Variants in DLG2 observed in about 807,000 individuals in gnomAD.
DLG2 encodes discs large MAGUK scaffold protein 2.
A neutral mutation model predicts 132.5 loss-of-function variants in DLG2; 45 were observed. That is an observed-to-expected ratio of 0.34 (90% CI 0.27 to 0.44). The LOEUF is 0.44. Ranked by LOEUF, DLG2 falls within the 20% of genes least tolerant of loss-of-function variation. DLG2 has a pLI of 1.00. For missense variants in DLG2, 1,045 were observed against 1,196.9 expected (o/e 0.87, Z 1.87); for synonymous variants, 424 against 419.6 (o/e 1.01, Z -0.13).
At chr11:84,906,482 C>A (rs1034403434) in intron 6 of DLG2, among the ~76,000 whole-genome samples, 1 of 150,790 alleles carries the variant, frequency 6.6e-6, no homozygotes, top group East Asian at 2.0e-4. Flanking sequence ...GATATATTAT[C>A]AAATAAAAAC....
chr11:83,616,301 C>G (rs1313532776), intron 19 of DLG2, among the ~76,000 whole-genome samples: 1 of 152,108 alleles, frequency 6.6e-6, no homozygotes, highest in Non-Finnish European at 1.5e-5. Context: ...CTGATAGATA[C>G]TGACAAAAAA....
At chr11:85,434,392 T>A (rs779473359) in intron 3 of DLG2, among the ~76,000 whole-genome samples, 4 of 151,062 alleles carry the variant, frequency 2.6e-5, no homozygotes, top group East Asian at 1.9e-4. Flanking sequence ...GGGCTGTTTT[T>A]TTTGAAAAAA....
intron 21 of DLG2, among the ~76,000 whole-genome samples, chr11:83,529,287 G>T (rs912449282): frequency 6.6e-6 from 1 of 152,038 alleles, no homozygotes; most frequent in Non-Finnish European, 1.5e-5. Flanking sequence ...AAAGTGAGTG[G>T]CATCTCCTGA....
rs1168313928 is a variant in DLG2 at position 85,041,173 on chromosome 11, A to C, written c.357+70488T>G. ...CAAAACGAAATATATCTTTACGAAG[A>C]ACTTGGAGGGTTTAAATAGCCTTCA... On this transcript the variant is annotated intron_variant, in intron 6 of 27. Transcript: ENST00000376104. 2.0e-5 allele frequency among the ~76,000 whole-genome samples: 3 copies of C among 152,040 alleles called. No individual in the cohort carries two copies. The East Asian group carries it at 5.8e-4, about 29-fold the overall frequency.
At chr11:84,154,200 G>A (rs2095372806) in intron 9 of DLG2, among the ~76,000 whole-genome samples, 1 of 152,150 alleles carries the variant, frequency 6.6e-6, no homozygotes. Flanking sequence ...GTTTCACCAT[G>A]TTGGCCAGGC....
At chr11:85,382,146 C>T (rs1237750946) in intron 3 of DLG2, among the ~76,000 whole-genome samples, 2 of 152,098 alleles carry the variant, frequency 1.3e-5, no homozygotes, top group Non-Finnish European at 2.9e-5. Context: ...GTAATCAAGA[C>T]AGCATGGTAC....
intron 19 of DLG2, among the ~76,000 whole-genome samples, chr11:83,585,748 TA>T: frequency 6.6e-6 from 1 of 152,360 alleles, no homozygotes; most frequent in East Asian, 1.9e-4. Context: ...CATTTATTAC[TA>T]GACATGTTTA....
intron 6 of DLG2, among the ~76,000 whole-genome samples, chr11:84,752,933 G>A (rs909202015): frequency 4.0e-5 from 6 of 151,856 alleles, no homozygotes; most frequent in African/African-American, 1.5e-4. Flanking sequence ...ATTCCATGGT[G>A]TATATGTGCC....
At position 84,992,881 on chromosome 11, in the gene DLG2, T is replaced by C. The variant is rs183863391; in HGVS notation, c.357+118780A>G. ...AGACAGTGTTGCAAATCCTCAAGGA[T>C]CTAGAACCAGAAATACCATTTGACT... On this transcript the variant is annotated intron_variant, in intron 6 of 27. Transcript: ENST00000376104. Among the ~76,000 whole-genome samples, 49 of 152,264 alleles carry C rather than the reference T, an allele frequency of 3.2e-4. No individual in the cohort carries two copies. The East Asian group carries it at 9.1e-3, about 28-fold the overall frequency.
rs535228989 is a variant in DLG2 at position 83,912,488 on chromosome 11, A to G, written c.1496+17840T>C. Among the ~76,000 whole-genome samples the G allele has an allele frequency of 2.0e-5, 3 of 152,280 alleles. No individual in the cohort carries two copies. The South Asian group carries it at 6.2e-4, about 32-fold the overall frequency. ...GAAAAGAGTGCTAGCTGATTTCAAG[A>G]GGGTGACTGGGGGACTGCATCAAGA... is the stretch of plus-strand genomic sequence containing the variant. On this transcript the variant is annotated intron_variant, in intron 15 of 27. Transcript: ENST00000376104.
intron 7 of DLG2, among the ~76,000 whole-genome samples, chr11:84,327,288 G>C (rs1403379063): frequency 4.6e-5 from 7 of 151,640 alleles, no homozygotes; most frequent in Admixed American, 2.6e-4. Flanking sequence ...TCACCATGTT[G>C]GCCAGGCAGG....
intron 6 of DLG2, among the ~76,000 whole-genome samples, chr11:84,651,589 G>T (rs1206142249): frequency 6.6e-6 from 1 of 152,176 alleles, no homozygotes; most frequent in Admixed American, 6.5e-5. Flanking sequence ...GATGGTCACA[G>T]GTTGTTGGAA....
intron 18 of DLG2, chr11:83,643,534 T>A (rs748351713): frequency 6.6e-6 from 1 of 152,174 alleles, no homozygotes; most frequent in Non-Finnish European, 1.5e-5. Context: ...AAGAAAACCT[T>A]CCTTGGCAAA....
intron 9 of DLG2, among the ~76,000 whole-genome samples, chr11:84,121,606 G>C (rs2093920787): frequency 7.2e-6 from 1 of 138,134 alleles, no homozygotes; most frequent in Non-Finnish European, 1.5e-5. Context: ...CTGTGGCCCA[G>C]GCTGGAGTGC....
intron 6 of DLG2, among the ~76,000 whole-genome samples, chr11:84,939,693 G>A (rs2049155765): frequency 6.6e-6 from 1 of 152,052 alleles, no homozygotes; most frequent in South Asian, 2.1e-4. Context: ...TCTGTGCTTG[G>A]CTTATTCCAC....
At chr11:83,606,467 C>T (rs1448480486) in intron 19 of DLG2, among the ~76,000 whole-genome samples, 2 of 152,054 alleles carry the variant, frequency 1.3e-5, no homozygotes, top group Non-Finnish European at 2.9e-5. Flanking sequence ...GTACTGAAAG[C>T]CTTTAACATC....
At chr11:85,606,494 C>T (rs755208969) in intron 2 of DLG2, among the ~76,000 whole-genome samples, 18 of 152,088 alleles carry the variant, frequency 1.2e-4, no homozygotes, top group South Asian at 2.1e-4. Context: ...CTCTGTAAAA[C>T]GGACCAATCA....
chr11:84,707,587 TC>T (rs2059917819), intron 6 of DLG2, among the ~76,000 whole-genome samples: 1 of 151,834 alleles, frequency 6.6e-6, no homozygotes. Flanking sequence ...TAGGTTGTAT[TC>T]CCAAGCTAGG....
intron 5 of DLG2, among the ~76,000 whole-genome samples, chr11:85,125,814 C>T (rs1594597491): frequency 3.6e-5 from 1 of 27,922 alleles, no homozygotes; most frequent in Non-Finnish European, 6.1e-5. Flanking sequence ...TATACACACA[C>T]ACACACACAC....
Sources: allele counts gnomAD v4.1 joint callset (sites outside exome capture counted in the v4.1 genomes callset), GRCh38; gene constraint gnomAD v4.1.1; transcripts MANE v1.5; gene names NCBI Gene and HGNC (gene_info 2026-07-23, HGNC 2026-07-21).